CSMD2: variants seen among roughly 807,000 people sequenced by gnomAD.
CSMD2 encodes the protein CUB and sushi domain-containing protein 2.
A neutral mutation model predicts 398.5 loss-of-function variants in CSMD2; 130 were observed. The observed-to-expected ratio is 0.33, with a 90% CI of 0.28 to 0.38. The LOEUF is 0.38. Ranked by LOEUF, CSMD2 falls within the 10% of genes least tolerant of loss-of-function variation. The pLI is 1.00. For missense variants in CSMD2, 3,829 were observed against 4,764.9 expected, an observed-to-expected ratio of 0.80 and a Z score of 5.78; for synonymous variants, 1,828 against 1,908.5, an observed-to-expected ratio of 0.96 and a Z score of 1.10.
At chr1:33,652,232 C>A (rs1643794723) in intron 28 of CSMD2, 91 bp downstream of exon 28, 1 of 1,368,924 alleles carries the variant, frequency 7.3e-7, no homozygotes, top group Admixed American at 1.8e-5. Context: ...AACTCTGCTA[C>A]AGACCTGTGA....
intron 42 of CSMD2, among the ~76,000 whole-genome samples, chr1:33,604,028 T>G (rs2148815446): frequency 6.6e-6 from 1 of 152,306 alleles, no homozygotes; most frequent in South Asian, 2.1e-4. Flanking sequence ...ATTAAGGGGC[T>G]TAAAATTTGC....
intron 5 of CSMD2, among the ~76,000 whole-genome samples, chr1:33,888,961 G>A (rs1269381785): frequency 6.6e-6 from 1 of 151,966 alleles, no homozygotes; most frequent in African/African-American, 2.4e-5. Flanking sequence ...TAGTAGAGAC[G>A]GAGTTTCACC....
intron 66 of CSMD2, among the ~76,000 whole-genome samples, chr1:33,524,508 A>G (rs1654597304): frequency 6.6e-6 from 1 of 152,210 alleles, no homozygotes; most frequent in Non-Finnish European, 1.5e-5. Flanking sequence ...GTGTAAGTGG[A>G]AAATGACATT....
At chr1:33,852,474 T>C (rs1210237806) in intron 5 of CSMD2, among the ~76,000 whole-genome samples, 2 of 152,262 alleles carry the variant, frequency 1.3e-5, no homozygotes, top group Non-Finnish European at 2.9e-5. Context: ...TCCAGACCTT[T>C]GCACATGCTA....
chr1:34,120,714 T>A (rs887619727), intron 1 of CSMD2, among the ~76,000 whole-genome samples: 17 of 152,074 alleles, frequency 1.1e-4, no homozygotes, highest in African/African-American at 3.9e-4. Flanking sequence ...CCGGCTAATT[T>A]TTGTATTTTT....
intron 1 of CSMD2, among the ~76,000 whole-genome samples, chr1:34,133,768 T>G (rs1638404958): frequency 6.6e-6 from 1 of 151,274 alleles, no homozygotes; most frequent in African/African-American, 2.4e-5. Flanking sequence ...GGGTAGGGAG[T>G]GTGAATATAA....
At chr1:33,743,183 A>T in intron 14 of CSMD2, 97 bp downstream of exon 14, 1 of 1,053,032 alleles carries the variant, frequency 9.5e-7, no homozygotes, top group South Asian at 1.7e-5. Flanking sequence ...GAACTGCCCC[A>T]TCCACACCTC....
chr1:33,578,900 C>T (rs1376141323), intron 48 of CSMD2, among the ~76,000 whole-genome samples: 1 of 152,208 alleles, frequency 6.6e-6, no homozygotes, highest in Non-Finnish European at 1.5e-5. Flanking sequence ...ATTTGTTTCC[C>T]TACTCCTGCT....
intron 3 of CSMD2, among the ~76,000 whole-genome samples, chr1:33,977,729 C>T (rs1646021621): frequency 6.6e-6 from 1 of 152,042 alleles, no homozygotes; most frequent in African/African-American, 2.4e-5. Context: ...CATGCTGACC[C>T]TGTGGAATAA....
intron 2 of CSMD2, among the ~76,000 whole-genome samples, chr1:34,072,719 A>C (rs1655872859): frequency 6.6e-6 from 1 of 152,164 alleles, no homozygotes; most frequent in Non-Finnish European, 1.5e-5. Flanking sequence ...CTTGAACCAC[A>C]GGGTCCTACT....
chr1:33,785,415 A>T (rs193298304), intron 12 of CSMD2, among the ~76,000 whole-genome samples: 108 of 152,370 alleles, frequency 7.1e-4, no homozygotes, highest in African/African-American at 2.3e-3. Context: ...GGGCTTCTGA[A>T]GCCAGGGAGA....
At chr1:33,727,057 GAGA>G (rs1646558370) in intron 15 of CSMD2, among the ~76,000 whole-genome samples, 1 of 152,136 alleles carries the variant, frequency 6.6e-6, no homozygotes. Context: ...TCTGGCCCTG[GAGA>G]AGGTCAGAAC....
intron 3 of CSMD2, among the ~76,000 whole-genome samples, chr1:33,962,085 T>G (rs1453125792): frequency 6.6e-6 from 1 of 152,166 alleles, no homozygotes; most frequent in African/African-American, 2.4e-5. Context: ...ATGGATGGAA[T>G]GGAAAACATT....
At chr1:33,680,475 G>A (rs1557721076) in intron 25 of CSMD2, among the ~76,000 whole-genome samples, 1 of 152,048 alleles carries the variant, frequency 6.6e-6, no homozygotes, top group Non-Finnish European at 1.5e-5. Flanking sequence ...CTGGGATCCT[G>A]TGTTTGCTCC....
chr1:33,830,908 T>C (rs1570163800), intron 6 of CSMD2, among the ~76,000 whole-genome samples: 1 of 152,282 alleles, frequency 6.6e-6, no homozygotes. Context: ...AGAAAGGGTA[T>C]CAGTGATGGA....
At chr1:33,828,899 T>C (rs1244893012) in intron 6 of CSMD2, among the ~76,000 whole-genome samples, 1 of 152,242 alleles carries the variant, frequency 6.6e-6, no homozygotes, top group East Asian at 1.9e-4. Flanking sequence ...CTTCTGTTCT[T>C]CCTCTTTTAC....
chr1:34,070,595 T>C (rs1270923340), intron 2 of CSMD2, among the ~76,000 whole-genome samples: 1 of 152,162 alleles, frequency 6.6e-6, no homozygotes, highest in African/African-American at 2.4e-5. Context: ...TCAAACGGAA[T>C]TGAGAGGAGT....
chr1:33,609,131 T>C (rs1640830591), intron 41 of CSMD2, among the ~76,000 whole-genome samples: 1 of 152,194 alleles, frequency 6.6e-6, no homozygotes, highest in African/African-American at 2.4e-5. Context: ...ACCAGTGAAG[T>C]GGCTCTGTCT....
intron 10 of CSMD2, among the ~76,000 whole-genome samples, chr1:33,798,943 T>C (rs1655275492): frequency 6.6e-6 from 1 of 152,228 alleles, no homozygotes; most frequent in African/African-American, 2.4e-5. Context: ...CAGGGCAGTC[T>C]TGTGGGAAGC....
Sources: allele counts gnomAD v4.1 joint callset (sites outside exome capture counted in the v4.1 genomes callset), GRCh38; gene constraint gnomAD v4.1.1; transcripts MANE v1.5; gene names NCBI Gene and HGNC (gene_info 2026-07-23, HGNC 2026-07-21).